PLXNA2: variants seen among roughly 807,000 people sequenced by gnomAD.
The protein encoded by PLXNA2 is plexin-A2.
A neutral mutation model predicts 193.5 loss-of-function variants in PLXNA2; 91 were observed. The ratio of observed to expected loss-of-function variants is 0.47; its 90% CI spans 0.40 to 0.56. The LOEUF is 0.56. PLXNA2 is among the 20% of genes least tolerant of loss of function. PLXNA2 has a pLI of 0.00. For missense variants in PLXNA2, 1,995 were observed against 2,503.2 expected (o/e 0.80, Z 4.33); for synonymous variants, 997 against 1,027.3 (o/e 0.97, Z 0.56).
chr1:208,105,156 G>A (rs560341214), intron 4 of PLXNA2, among the ~76,000 whole-genome samples: 16 of 152,190 alleles, frequency 1.1e-4, no homozygotes, highest in Non-Finnish European at 2.1e-4. Flanking sequence ...GATCCTTCCT[G>A]GAGGGTGGCC....
intron 3 of PLXNA2, among the ~76,000 whole-genome samples, chr1:208,208,452 G>A (rs547691541): frequency 3.3e-5 from 5 of 152,342 alleles, no homozygotes; most frequent in African/African-American, 1.2e-4. Context: ...TATTGGGCCA[G>A]GCAATCTCTA....
rs561413231 is a variant in PLXNA2 at position 208,052,342 on chromosome 1, G to T, written c.2978C>A (p.Thr993Asn). The stretch of plus-strand genomic sequence containing the variant: ...TTTATCTCACCCGTAGAACTCGCAG[G>T]TCTGGTTGCCCAGGTAGACTGCCAC... ...SSVAVYLGNQ[T>N]CEFYGRSMSE... The change falls in exon 15 of 32, where the codon ACC becomes AAC. Residue 993 changes from threonine (T) to asparagine (N), a missense_variant. Thr to Asn is a moderately conservative substitution (Grantham distance 65, BLOSUM62 0). Around this residue, in one of 3 missense-constraint regions of PLXNA2, gnomAD observed 1,291 missense variants for 1,673.6 expected, o/e 0.77. Coordinates refer to ENST00000367033, the MANE Select transcript of PLXNA2 (RefSeq NM_025179.4). 6.2e-7 allele frequency: 1 copy of T among 1,613,152 alleles called. No homozygotes were observed. Among genetic ancestry groups the T allele is most frequent in the African/African-American group, 1.3e-5 (1 of 74,996 alleles).
At chr1:208,125,710 C>T (rs1386777120) in intron 4 of PLXNA2, among the ~76,000 whole-genome samples, 2 of 152,220 alleles carry the variant, frequency 1.3e-5, no homozygotes, top group Non-Finnish European at 2.9e-5. Context: ...TGCCCGCTTT[C>T]CTCTGTACTT....
intron 23 of PLXNA2, 104 bp from the exon 24 acceptor site, chr1:208,039,871 C>T (rs1664807930): frequency 1.3e-6 from 2 of 1,587,524 alleles, no homozygotes; most frequent in African/African-American, 1.3e-5. Flanking sequence ...AGGGCTTTAG[C>T]ACAGCCAGTC....
intron 14 of PLXNA2, 107 bp from the exon 15 acceptor site, chr1:208,052,570 G>A: frequency 9.2e-7 from 1 of 1,088,510 alleles, no homozygotes. Flanking sequence ...GGGCGTGGTG[G>A]TACTTGTCCT....
At chr1:208,095,967 G>T in intron 8 of PLXNA2, 62 bp downstream of exon 8, 1 of 1,274,586 alleles carries the variant, frequency 7.8e-7, no homozygotes, top group Non-Finnish European at 1.1e-6. Context: ...TTAGCATCGA[G>T]GGGAAGAAAG....
intron 4 of PLXNA2, among the ~76,000 whole-genome samples, chr1:208,131,931 C>T (rs1668169668): frequency 6.6e-6 from 1 of 152,124 alleles, no homozygotes; most frequent in East Asian, 1.9e-4. Flanking sequence ...GTCATAGACA[C>T]ACCTAGCTCA....
chr1:208,029,125 G>A (rs750903114), intron 29 of PLXNA2, 83 bp from the exon 30 acceptor site: 4 of 1,568,562 alleles, frequency 2.6e-6, no homozygotes, highest in Admixed American at 1.8e-5. Flanking sequence ...CCCCATCAAA[G>A]GTCAAATTGT....
At chr1:208,033,971 G>C (rs1391177420) in intron 27 of PLXNA2, among the ~76,000 whole-genome samples, 1 of 152,194 alleles carries the variant, frequency 6.6e-6, no homozygotes, top group African/African-American at 2.4e-5. Flanking sequence ...GTTCAGTCCT[G>C]TGGTGCCCTT....
In PLXNA2 at chr1:208,103,306, T is replaced by G. The variant is rs189554651; in HGVS notation, c.1507-59A>C. 5.0e-5 allele frequency: 66 copies of G among 1,309,472 alleles called. No individual in the cohort carries two copies. In the African/African-American group the frequency reaches 8.2e-4, roughly 16 times the overall value. The allele number at this position is 1,309,472 out of a possible 1,614,324, so 81.1% of individuals were successfully genotyped here. ...TAGGCTGTGACGACTAGCAGGTGTG[T>G]GTCACACAGTCCTGTGTGTACTCAC... On this transcript the variant is annotated intron_variant, in intron 4 of 31. Transcript: ENST00000367033.
chr1:208,070,989 T>G (rs904120863), intron 12 of PLXNA2, among the ~76,000 whole-genome samples: 14 of 152,158 alleles, frequency 9.2e-5, no homozygotes, highest in African/African-American at 3.4e-4. Context: ...TGGTGGGGAC[T>G]CAGGGCAGGG....
chr1:208,054,370 T>C (rs1665357578), intron 14 of PLXNA2, 51 bp downstream of exon 14: 2 of 1,239,096 alleles, frequency 1.6e-6, no homozygotes, highest in Non-Finnish European at 2.4e-6. Flanking sequence ...GTCTGGAGCA[T>C]GTGTGTCTCC....
At chr1:208,101,917 C>T (rs1291221152) in intron 5 of PLXNA2, among the ~76,000 whole-genome samples, 1 of 152,148 alleles carries the variant, frequency 6.6e-6, no homozygotes, top group Non-Finnish European at 1.5e-5. Context: ...AAGAAATTCT[C>T]TCGAGGAAAG....
rs1426533615 is a variant in PLXNA2, at chr1:208,217,114, G to C, written c.809C>G (p.Ser270Cys). 3 of 1,614,210 alleles carry C rather than the reference G, an allele frequency of 1.9e-6. No homozygotes were observed. The South Asian group carries it at 3.3e-5, about 18-fold the overall frequency. ...PETPEGVAIN[S>C]AGDLFYTSRI... The stretch of plus-strand genomic sequence containing the variant: ...TGAGGTGTAGAAGAGGTCTCCAGCG[G>C]AGTTGATGGCCACACCCTCAGGGGT... Residue 270 changes from serine (S) to cysteine (C), a missense_variant, in exon 2 of 32, where the codon TCC (serine) becomes TGC (cysteine). Physicochemically the swap from Ser to Cys is moderately radical, Grantham distance 112 (BLOSUM62 -1). This residue lies in a region of PLXNA2 where 702 missense variants were observed against 812.9 expected (regional missense o/e 0.86). Coordinates refer to ENST00000367033, the MANE Select transcript of PLXNA2 (RefSeq NM_025179.4). This position sits in a 1 kb window ranked among gnomAD's most constrained non-coding sequence, Gnocchi z 4.7.
intron 12 of PLXNA2, among the ~76,000 whole-genome samples, chr1:208,067,587 A>G (rs936615017): frequency 3.3e-5 from 5 of 152,092 alleles, no homozygotes; most frequent in African/African-American, 1.2e-4. Flanking sequence ...AATCTTTTAT[A>G]TCATATTTTT....
At chr1:208,238,546 C>T (rs1012976316) in intron 1 of PLXNA2, among the ~76,000 whole-genome samples, 3 of 152,086 alleles carry the variant, frequency 2.0e-5, no homozygotes, top group African/African-American at 7.2e-5. Context: ...TTTCCATGCC[C>T]CTGTTAGGCA....
In PLXNA2 at chr1:208,044,847, C is replaced by T. The variant is rs1665003088; in HGVS notation, c.3640-105G>A. The T allele has an allele frequency of 9.7e-7, 1 of 1,027,912 alleles. No individual in the cohort carries two copies. The highest frequency in any genetic ancestry group is 2.1e-4 in the Middle Eastern group (1 of 4,746). 63.7% of individuals were successfully genotyped at this position (1,027,912 alleles called of 1,614,324 possible). A position where few individuals can be genotyped will look rare whatever the true frequency, so the allele number is the denominator to read the frequency against. ...GAGGAAGGACATGACAGACCACAAC[C>T]ACACAGTGCAGCTCTAGATAAAAAG... On this transcript the variant is annotated intron_variant, in intron 19 of 31. Coordinates refer to ENST00000367033, the MANE Select transcript of PLXNA2 (RefSeq NM_025179.4). The surrounding 1 kb of genome is among the most constrained non-coding windows in gnomAD (Gnocchi z 4.9).
At chr1:208,224,148 G>A (rs1000922637) in intron 1 of PLXNA2, among the ~76,000 whole-genome samples, 14 of 152,292 alleles carry the variant, frequency 9.2e-5, no homozygotes, top group African/African-American at 3.1e-4. Flanking sequence ...GCAAGAGGGC[G>A]AACGCAAAAG....
intron 3 of PLXNA2, among the ~76,000 whole-genome samples, chr1:208,195,069 AG>A (rs1333358500): frequency 6.6e-6 from 1 of 152,186 alleles, no homozygotes; most frequent in Non-Finnish European, 1.5e-5. Flanking sequence ...AGAGTGGAGC[AG>A]GAAGAGGTAG....
Sources: allele counts gnomAD v4.1 joint callset (sites outside exome capture counted in the v4.1 genomes callset), GRCh38; gene constraint gnomAD v4.1.1; regional missense constraint gnomAD v4.1.1; non-coding constraint Gnocchi (gnomAD v3.1); transcripts MANE v1.5; gene names NCBI Gene and HGNC (gene_info 2026-07-23, HGNC 2026-07-21).